Variants in ELMO1 observed in about 807,000 individuals in gnomAD.
The protein encoded by ELMO1 is engulfment and cell motility protein 1.
Under a neutral mutation model 98.9 loss-of-function variants are expected in ELMO1, and 26 were observed. That is an observed-to-expected ratio of 0.26 (90% CI 0.19 to 0.36). The LOEUF is 0.36. Ranked by LOEUF, ELMO1 falls within the 10% of genes least tolerant of loss-of-function variation. The pLI is 1.00. For missense variants in ELMO1, 627 were observed against 935.2 expected (o/e 0.67, Z 4.30); for synonymous variants, 346 against 346.0 (o/e 1.00, Z 0.00).
chr7:36,855,602 C>T lies in ELMO1; in HGVS notation c.2133G>A (p.Pro711=), dbSNP rs377709624. The change falls in exon 22 of 22, where the codon CCG becomes CCA. Residue 711 remains proline (P), a synonymous_variant. Coordinates refer to ENST00000310758, the MANE Select transcript of ELMO1 (RefSeq NM_014800.11). This position sits in a 1 kb window ranked among gnomAD's most constrained non-coding sequence, Gnocchi z 4.2. ...LENIQIPDAP[P]PIPKEPSNYD... Reference sequence around the variant, plus strand: ...AGTTGCTGGGCTCCTTGGGAATCGGCGGAGGTGCGTCAGGGATCTGGATGT... The same window carrying T: ...AGTTGCTGGGCTCCTTGGGAATCGGTGGAGGTGCGTCAGGGATCTGGATGT... The T allele has an allele frequency of 2.2e-5, 35 of 1,614,062 alleles. No individual in the cohort carries two copies. Among genetic ancestry groups the T allele is most frequent in the African/African-American group, 4.0e-5 (3 of 75,020 alleles).
intron 1 of ELMO1, among the ~76,000 whole-genome samples, chr7:37,354,185 T>C (rs1801401367): frequency 6.6e-6 from 1 of 152,226 alleles, no homozygotes; most frequent in Non-Finnish European, 1.5e-5. Flanking sequence ...ATCTCTGTTG[T>C]TCCAGACCTG....
intron 1 of ELMO1, among the ~76,000 whole-genome samples, chr7:37,361,674 G>A (rs2700975): frequency 0.86 from 131,701 of 152,290 alleles, 56,995 homozygotes; most frequent in East Asian, 0.91. Flanking sequence ...TTGATAGCAT[G>A]TCATCCGGGC....
intron 16 of ELMO1, among the ~76,000 whole-genome samples, chr7:37,000,571 T>C (rs1036853491): frequency 1.3e-5 from 2 of 152,164 alleles, no homozygotes; most frequent in Admixed American, 6.5e-5. Flanking sequence ...GAGGTAAAGG[T>C]AAAATACAAA....
At chr7:37,253,348 C>T (rs189513069) in intron 6 of ELMO1, among the ~76,000 whole-genome samples, 2 of 152,196 alleles carry the variant, frequency 1.3e-5, no homozygotes, top group East Asian at 3.9e-4. Context: ...CAATGATAGA[C>T]TGGATAAAGA....
At chr7:37,174,012 G>A (rs927075660) in intron 13 of ELMO1, among the ~76,000 whole-genome samples, 2 of 152,184 alleles carry the variant, frequency 1.3e-5, no homozygotes, top group African/African-American at 4.8e-5. Context: ...GAAGATCACT[G>A]ATACTCAGCC....
chr7:36,939,394 AGGCT>A (rs1260882956), intron 16 of ELMO1, among the ~76,000 whole-genome samples: 2 of 149,724 alleles, frequency 1.3e-5, no homozygotes. Flanking sequence ...TAACCTAGTC[AGGCT>A]AGGGGTTCAT....
chr7:37,115,321 C>G (rs1013092786), intron 14 of ELMO1, among the ~76,000 whole-genome samples: 3 of 152,106 alleles, frequency 2.0e-5, no homozygotes, highest in Admixed American at 6.5e-5. Context: ...CTATATAGCT[C>G]TCATGAACAT....
chr7:37,316,109 T>G, intron 2 of ELMO1, 149 bp from the exon 3 acceptor site: 1 of 661,176 alleles, frequency 1.5e-6, no homozygotes, highest in Non-Finnish European at 2.6e-6. Context: ...CTTATTTTTC[T>G]CAAGGTAACA....
chr7:37,339,757 A>G (rs926616944), intron 2 of ELMO1, among the ~76,000 whole-genome samples: 3 of 152,080 alleles, frequency 2.0e-5, no homozygotes, highest in African/African-American at 7.2e-5. Context: ...AGGTTTCCAT[A>G]TGTGATTAAT....
At chr7:36,931,431 C>G (rs574022130) in intron 16 of ELMO1, among the ~76,000 whole-genome samples, 89 of 152,316 alleles carry the variant, frequency 5.8e-4, no homozygotes, top group African/African-American at 2.1e-3. Flanking sequence ...GAAACCCTGT[C>G]TCTACTAAAA....
At chr7:37,103,505 A>G (rs1584647538) in intron 14 of ELMO1, among the ~76,000 whole-genome samples, 1 of 116,076 alleles carries the variant, frequency 8.6e-6, no homozygotes, top group African/African-American at 3.3e-5. Context: ...AACAGCACAC[A>G]CCCAGGCCTG....
At chr7:37,137,218 A>C (rs1787322234) in intron 13 of ELMO1, among the ~76,000 whole-genome samples, 1 of 152,238 alleles carries the variant, frequency 6.6e-6, no homozygotes, top group African/African-American at 2.4e-5. Flanking sequence ...CAACAGGGAA[A>C]TATCACAATA....
At chr7:37,162,119 T>C (rs889324249) in intron 13 of ELMO1, among the ~76,000 whole-genome samples, 11 of 151,168 alleles carry the variant, frequency 7.3e-5, no homozygotes, top group Admixed American at 5.3e-4. Context: ...TAATGTCTGA[T>C]ACACTCAATT....
chr7:37,376,025 A>G (rs1036069420), intron 1 of ELMO1: 3 of 465,824 alleles, frequency 6.4e-6, no homozygotes, highest in Non-Finnish European at 1.2e-5. Flanking sequence ...CCTCAGTAAA[A>G]CTGGAGAGGA....
intron 13 of ELMO1, among the ~76,000 whole-genome samples, chr7:37,161,974 G>T (rs1404236905): frequency 8.1e-6 from 1 of 122,882 alleles, no homozygotes; most frequent in African/African-American, 2.9e-5. Flanking sequence ...TCTCAAGTGA[G>T]GTGAGTTTGT....
intron 13 of ELMO1, among the ~76,000 whole-genome samples, chr7:37,147,783 C>A (rs574567631): frequency 4.7e-5 from 7 of 150,138 alleles, no homozygotes; most frequent in Middle Eastern, 3.4e-3. Flanking sequence ...ACAAGAGTGG[C>A]CAGAAAGAAG....
rs1800485159 is a variant in ELMO1, at chr7:37,337,534, A to C, written c.78+5079T>G. ...TAAAACTTAAAGTATAAAAAAAAAAAAAAAAAAACACCTATGTGGAGCATT... is the reference window on the plus strand; with the variant it reads ...TAAAACTTAAAGTATAAAAAAAAAACAAAAAAAACACCTATGTGGAGCATT... On this transcript the variant is annotated intron_variant, in intron 2 of 21. Coordinates refer to ENST00000310758, the MANE Select transcript of ELMO1 (RefSeq NM_014800.11). Among the ~76,000 whole-genome samples the C allele has an allele frequency of 5.3e-5, 8 of 152,090 alleles. No individual in the cohort carries two copies. The South Asian group carries it at 1.7e-3, about 32-fold the overall frequency.
At chr7:36,915,743 T>C (rs866701356) in intron 16 of ELMO1, among the ~76,000 whole-genome samples, 1 of 152,066 alleles carries the variant, frequency 6.6e-6, no homozygotes, top group African/African-American at 2.4e-5. Flanking sequence ...TCACAGCGAG[T>C]GACCTGATCA....
chr7:36,941,181 T>C (rs1048024474), intron 16 of ELMO1, among the ~76,000 whole-genome samples: 3 of 152,200 alleles, frequency 2.0e-5, no homozygotes, highest in Non-Finnish European at 2.9e-5. Flanking sequence ...ATAAAAAACA[T>C]GTAGAATAAA....
Sources: gnomAD v4.1 joint callset for allele counts (sites outside exome capture counted in the v4.1 genomes callset) on GRCh38, gnomAD v4.1.1 for gene constraint, Gnocchi (gnomAD v3.1) non-coding constraint, MANE v1.5 for transcripts, NCBI Gene and HGNC (gene_info 2026-07-23, HGNC 2026-07-21) for gene names.